The following VSTM2L variants were observed in gnomAD, a reference collection of about 807,000 sequenced individuals.
The protein encoded by VSTM2L is V-set and transmembrane domain-containing protein 2-like protein.
Under a neutral mutation model 19.9 loss-of-function variants are expected in VSTM2L, and 9 were observed. That is an observed-to-expected ratio of 0.45 (90% CI 0.27 to 0.79). The LOEUF (loss-of-function observed/expected upper bound fraction) is 0.79, where lower values mean the gene tolerates loss of function less well. Ranked by LOEUF, VSTM2L falls within the 30% of genes least tolerant of loss-of-function variation. The pLI, the probability that VSTM2L is intolerant of heterozygous loss-of-function variation, is 0.15. For synonymous variants in VSTM2L, 127 were observed against 133.8 expected (o/e 0.95, Z 0.35); for missense variants, 286 against 295.5 (o/e 0.97, Z 0.24).
At chr20:37,921,833 T>TTTC (rs1156448092) in intron 1 of VSTM2L, among the ~76,000 whole-genome samples, 1 of 141,170 alleles carries the variant, frequency 7.1e-6, no homozygotes, top group African/African-American at 2.9e-5. Flanking sequence ...TCTTTCTTTC[T>TTTC]TTTCCTTTTT....
At chr20:37,929,931 A>T (rs1484939386) in intron 1 of VSTM2L, among the ~76,000 whole-genome samples, 4 of 152,012 alleles carry the variant, frequency 2.6e-5, no homozygotes, top group African/African-American at 9.7e-5. Context: ...CTTAGTGGGG[A>T]TAAGAAGGGT....
chr20:37,919,290 C>T (rs1600565211), intron 1 of VSTM2L, among the ~76,000 whole-genome samples: 1 of 152,220 alleles, frequency 6.6e-6, no homozygotes, highest in African/African-American at 2.4e-5. Context: ...GTTTGTTTGC[C>T]TGTCCCAAGG....
chr20:37,926,092 G>A (rs1194625345), intron 1 of VSTM2L, among the ~76,000 whole-genome samples: 2 of 152,080 alleles, frequency 1.3e-5, no homozygotes, highest in East Asian at 1.9e-4. Context: ...ATGGAGTTTC[G>A]CTCTTGTTGC....
At chr20:37,926,696 G>T (rs1472263891) in intron 1 of VSTM2L, among the ~76,000 whole-genome samples, 1 of 152,202 alleles carries the variant, frequency 6.6e-6, no homozygotes, top group East Asian at 1.9e-4. Flanking sequence ...ATGGACTTGG[G>T]CGTCACAGAG....
intron 1 of VSTM2L, among the ~76,000 whole-genome samples, chr20:37,914,388 G>GTA (rs1568835300): frequency 6.7e-6 from 1 of 149,188 alleles, no homozygotes; most frequent in Non-Finnish European, 1.5e-5. Flanking sequence ...GTGTATGTGT[G>GTA]GGTGTGTGTA....
At position 37,903,350 on chromosome 20, in the gene VSTM2L, G is replaced by A; in HGVS notation, c.-1G>A. ...CGGCGCCCCCGGCCCGAGAGCGCACGATGGGGGCCCCGCTCGCCGTAGCGC... is the reference window on the plus strand; with the variant it reads ...CGGCGCCCCCGGCCCGAGAGCGCACAATGGGGGCCCCGCTCGCCGTAGCGC... On this transcript the variant is annotated 5_prime_UTR_variant, in exon 1 of 4. Coordinates refer to ENST00000373461, the MANE Select transcript of VSTM2L (RefSeq NM_080607.3). 1.4e-6 allele frequency: 2 copies of A among 1,461,536 alleles called. No homozygotes were observed. The highest frequency in any genetic ancestry group is 1.8e-6 in the Non-Finnish European group (2 of 1,112,834). The allele number at this position is 1,461,536 out of a possible 1,614,324, so 90.5% of individuals were successfully genotyped here. A position where few individuals can be genotyped will look rare whatever the true frequency, so the allele number is the denominator to read the frequency against.
intron 3 of VSTM2L, among the ~76,000 whole-genome samples, chr20:37,940,262 C>G (rs907786015): frequency 6.6e-6 from 1 of 152,208 alleles, no homozygotes; most frequent in African/African-American, 2.4e-5. Flanking sequence ...GTCAGAGGGA[C>G]AGGGTGGGCT....
At chr20:37,925,910 G>C (rs958934436) in intron 1 of VSTM2L, among the ~76,000 whole-genome samples, 10 of 152,196 alleles carry the variant, frequency 6.6e-5, no homozygotes, top group Non-Finnish European at 1.2e-4. Flanking sequence ...TAAGGCGAGG[G>C]CAACACCTCC....
chr20:37,931,668 C>T lies in VSTM2L; in HGVS notation c.155C>T (p.Ala52Val). ...LFTETPHDMT[A>V]RTGEDVEMAC... The stretch of plus-strand genomic sequence containing the variant: ...ACAGAGACACCCCATGACATGACAG[C>T]ACGGACGGGCGAGGACGTGGAGATG... Residue 52 changes from alanine to valine, a missense_variant, in exon 2 of 4, where the codon GCA (alanine) becomes GTA (valine). By Grantham distance (64) the Ala-to-Val change is moderately conservative (BLOSUM62 0). Transcript: ENST00000373461. 1 of 1,613,386 alleles carries T rather than the reference C, an allele frequency of 6.2e-7. No individual in the cohort carries two copies. Among genetic ancestry groups the T allele is most frequent in the Non-Finnish European group, 8.5e-7 (1 of 1,179,976 alleles).
chr20:37,920,724 G>A (rs1402948900), intron 1 of VSTM2L, among the ~76,000 whole-genome samples: 1 of 152,216 alleles, frequency 6.6e-6, no homozygotes, highest in Admixed American at 6.5e-5. Context: ...CCCTATCCCT[G>A]CTCCTGTGGG....
intron 3 of VSTM2L, among the ~76,000 whole-genome samples, chr20:37,935,477 C>G (rs8115275): frequency 0.032 from 4,913 of 152,280 alleles, 241 homozygotes; most frequent in African/African-American, 0.11. Context: ...ACCTCACCCC[C>G]CTTCCCCTCC....
intron 3 of VSTM2L, among the ~76,000 whole-genome samples, chr20:37,934,225 C>G (rs111262642): frequency 0.027 from 4,136 of 152,250 alleles, 46 homozygotes; most frequent in Middle Eastern, 0.086. Context: ...GTGCTGCAGG[C>G]CAGTGCAGCT....
At chr20:37,907,467 C>G (rs1299786456) in intron 1 of VSTM2L, among the ~76,000 whole-genome samples, 1 of 152,180 alleles carries the variant, frequency 6.6e-6, no homozygotes, top group African/African-American at 2.4e-5. Flanking sequence ...TTGGAAGCCA[C>G]TGCCTAAGTA....
At chr20:37,923,608 G>T (rs1268661130) in intron 1 of VSTM2L, among the ~76,000 whole-genome samples, 1 of 152,194 alleles carries the variant, frequency 6.6e-6, no homozygotes, top group East Asian at 1.9e-4. Flanking sequence ...CCTCCCTGGG[G>T]ACTGGCTGCA....
chr20:37,920,626 G>A (rs1244727182), intron 1 of VSTM2L, among the ~76,000 whole-genome samples: 1 of 152,246 alleles, frequency 6.6e-6, no homozygotes, highest in Admixed American at 6.5e-5. Context: ...AGGGCCAGGA[G>A]GAGAGGGACA....
chr20:37,940,953 A>T (rs2072968635), intron 3 of VSTM2L, among the ~76,000 whole-genome samples: 1 of 152,224 alleles, frequency 6.6e-6, no homozygotes, highest in African/African-American at 2.4e-5. Context: ...CCCCGCCCTC[A>T]ACATGTGGGG....
intron 1 of VSTM2L, among the ~76,000 whole-genome samples, chr20:37,914,357 GGTGTTTATA>G (rs2072800088): frequency 6.7e-5 from 10 of 148,886 alleles, no homozygotes; most frequent in African/African-American, 2.2e-4. Flanking sequence ...ATGTGTGTGG[GGTGTTTATA>G]TATGTGTGTG....
chr20:37,920,154 C>G (rs1397179116), intron 1 of VSTM2L, among the ~76,000 whole-genome samples: 1 of 152,224 alleles, frequency 6.6e-6, no homozygotes, highest in Admixed American at 6.5e-5. Context: ...CCAGCAGAAA[C>G]AGGGAAGTGT....
At chr20:37,917,513 G>T (rs1172761441) in intron 1 of VSTM2L, among the ~76,000 whole-genome samples, 1 of 152,134 alleles carries the variant, frequency 6.6e-6, no homozygotes, top group Non-Finnish European at 1.5e-5. Context: ...ACTGAAACAG[G>T]CTCTTCACTT....
Sources: gnomAD v4.1 joint callset for allele counts (sites outside exome capture counted in the v4.1 genomes callset) on GRCh38, gnomAD v4.1.1 for gene constraint, MANE v1.5 for transcripts, NCBI Gene and HGNC (gene_info 2026-07-23, HGNC 2026-07-21) for gene names.